Variants in ARAP2 observed in about 807,000 individuals in gnomAD.
ARAP2 encodes arf-GAP with Rho-GAP domain, ANK repeat and PH domain-containing protein 2.
ARAP2 carries 148 observed loss-of-function variants against 194.5 expected under a neutral mutation model. The observed-to-expected ratio is 0.76, with a 90% CI of 0.67 to 0.87. The LOEUF (loss-of-function observed/expected upper bound fraction) is 0.87, where lower values mean the gene tolerates loss of function less well. Among genes scored for constraint, ARAP2 ranks in the 40% least tolerant of loss-of-function variants. The pLI is 0.00. For missense variants in ARAP2, 2,128 were observed against 1,989.7 expected (o/e 1.07, Z -1.32); for synonymous variants, 695 against 683.5 (o/e 1.02, Z -0.26).
Position 36,160,650 on chromosome 4 carries a change from T to TAA in ARAP2, c.2260-10_2260-9insTT. ...CCAATGACAATAAAAAGCTGAATTGTCAAAAAAAAAACCCCATAATATATC... is the reference window on the plus strand; with the variant it reads ...CCAATGACAATAAAAAGCTGAATTGTAACAAAAAAAAAACCCCATAATATATC... On this transcript the variant is annotated splice_polypyrimidine_tract_variant and intron_variant, in intron 12 of 32. Coordinates refer to ENST00000303965, the MANE Select transcript of ARAP2 (RefSeq NM_015230.4). The TAA allele has an allele frequency of 2.1e-5, 27 of 1,308,526 alleles. No individual in the cohort carries two copies. The highest frequency in any genetic ancestry group is 1.6e-4 in the South Asian group (8 of 50,960). 81.1% of individuals were successfully genotyped at this position (1,308,526 alleles called of 1,614,324 possible).
chr4:36,150,502 T>G (rs973673899), intron 16 of ARAP2, among the ~76,000 whole-genome samples: 3 of 151,862 alleles, frequency 2.0e-5, no homozygotes, highest in Non-Finnish European at 4.4e-5. Context: ...AAAAATTAGC[T>G]GGGTGTGGTA....
At chr4:36,137,266 A>G (rs950286748) in intron 19 of ARAP2, among the ~76,000 whole-genome samples, 28 of 151,952 alleles carry the variant, frequency 1.8e-4, no homozygotes, top group Middle Eastern at 3.4e-3. Context: ...ACACAAACAC[A>G]TGCATTTAGC....
intron 19 of ARAP2, among the ~76,000 whole-genome samples, chr4:36,141,057 G>C (rs887658871): frequency 5.3e-5 from 8 of 151,526 alleles, no homozygotes; most frequent in African/African-American, 1.9e-4. Flanking sequence ...TTATTTCTTA[G>C]AAAAAGATAT....
At position 36,124,976 on chromosome 4, in the gene ARAP2, G is replaced by T; in HGVS notation, c.3641-9C>A. On this transcript the variant is annotated splice_polypyrimidine_tract_variant and intron_variant, in intron 21 of 32. Transcript: ENST00000303965. Reference sequence around the variant, plus strand: ...CTTGTCATCTTGCGTATCTGAAGGGGAAAAAAAAACAATCTTGAGATCTAA... The same window carrying T: ...CTTGTCATCTTGCGTATCTGAAGGGTAAAAAAAAACAATCTTGAGATCTAA... 2 of 1,481,996 alleles carry T rather than the reference G, an allele frequency of 1.3e-6. No individual in the cohort carries two copies. Among genetic ancestry groups the T allele is most frequent in the Non-Finnish European group, 1.9e-6 (2 of 1,080,612 alleles). The allele number at this position is 1,481,996 out of a possible 1,614,324, so 91.8% of individuals were successfully genotyped here.
At position 36,133,272 on chromosome 4, in the gene ARAP2, G is replaced by A. The variant is rs547087639; in HGVS notation, c.3381C>T (p.Asp1127=). The A allele has an allele frequency of 1.6e-5, 26 of 1,611,176 alleles. No homozygotes were observed. The highest frequency in any genetic ancestry group is 4.5e-5 in the East Asian group (2 of 44,704). The part of the protein sequence containing the change: ...ALQDQQLSKN[D]VPIIVNSCIA... The stretch of plus-strand genomic sequence containing the variant: ...TACAGCTGTTCACTATAATGGGAAC[G>A]TCATTTTTGCTGAGCTGCTGATCTT... Residue 1127 remains aspartate, a synonymous_variant, in exon 20 of 33, where the codon GAC becomes GAT. Transcript: ENST00000303965.
chr4:36,015,349 C>T (rs2109323115), intron 8 of ARAP2: 1 of 152,298 alleles, frequency 6.6e-6, no homozygotes, highest in South Asian at 2.1e-4. Flanking sequence ...ACAAGCATCC[C>T]TAAACTCAGT....
At chr4:36,120,777 C>A (rs771333956) in intron 23 of ARAP2, among the ~76,000 whole-genome samples, 1 of 151,552 alleles carries the variant, frequency 6.6e-6, no homozygotes, top group African/African-American at 2.4e-5. Context: ...TTGTTTCCAA[C>A]TGGGGACACA....
intron 16 of ARAP2, among the ~76,000 whole-genome samples, chr4:36,148,866 CA>C (rs1730275451): frequency 6.6e-6 from 1 of 152,074 alleles, no homozygotes; most frequent in Admixed American, 6.6e-5. Context: ...AAACACTGCC[CA>C]AACAGTTTTT....
chr4:36,085,822 A>G (rs1051837397), intron 28 of ARAP2, among the ~76,000 whole-genome samples: 1 of 152,094 alleles, frequency 6.6e-6, no homozygotes, highest in South Asian at 2.1e-4. Context: ...AGAAGTCTAT[A>G]GTTTTCTTCT....
intron 8 of ARAP2, among the ~76,000 whole-genome samples, chr4:36,182,336 C>T (rs1384321020): frequency 6.6e-6 from 1 of 151,912 alleles, no homozygotes; most frequent in Non-Finnish European, 1.5e-5. Context: ...ACTAAAAATA[C>T]AAAAAATTAG....
Position 36,133,383 on chromosome 4 carries a change from T to C in ARAP2, c.3270A>G (p.Leu1090=), listed in dbSNP as rs757243875. The C allele has an allele frequency of 1.2e-5, 20 of 1,605,150 alleles. No homozygotes were observed. The highest frequency in any genetic ancestry group is 2.2e-5 in the South Asian group (2 of 89,854). Residue 1090 remains leucine, a synonymous_variant, in exon 20 of 33, where the codon TTA becomes TTG. Coordinates refer to ENST00000303965, the MANE Select transcript of ARAP2 (RefSeq NM_015230.4). The part of the protein sequence containing the change: ...VLLLVEKGRT[L]YIHGHTKLDF... ...CCAACTTGGTATGCCCATGGATGTATAATGTTCTGTAAAGTTTAAAAAGCA... is the reference window on the plus strand; with the variant it reads ...CCAACTTGGTATGCCCATGGATGTACAATGTTCTGTAAAGTTTAAAAAGCA...
chr4:36,071,915 T>C (rs1306384432), intron 32 of ARAP2, among the ~76,000 whole-genome samples: 1 of 151,836 alleles, frequency 6.6e-6, no homozygotes, highest in African/African-American at 2.4e-5. Context: ...GTGATCTCAT[T>C]GTTCAATTCC....
Position 36,187,555 on chromosome 4 carries a change from C to G in ARAP2, c.1574G>C (p.Gly525Ala). Residue 525 changes from glycine to alanine, a missense_variant, in exon 8 of 33, where the codon GGA becomes GCA. Gly to Ala is a moderately conservative substitution (Grantham distance 60, BLOSUM62 0). Coordinates refer to ENST00000303965, the MANE Select transcript of ARAP2 (RefSeq NM_015230.4). ...YNNEKEMYSK[G>A]IIPLSAISTV... is the part of the protein sequence containing the mutation. ...TGATATAGCAGAAAGGGGAATTATT[C>G]CTTTCGAATACATCTCCTGTATTGG... is the stretch of plus-strand genomic sequence containing the variant. 1 of 1,558,372 alleles carries G rather than the reference C, an allele frequency of 6.4e-7. No homozygotes were observed. Among genetic ancestry groups the G allele is most frequent in the South Asian group, 1.3e-5 (1 of 78,726 alleles).
intron 9 of ARAP2, among the ~76,000 whole-genome samples, chr4:36,008,247 G>A (rs1713726540): frequency 6.6e-6 from 1 of 151,958 alleles, no homozygotes; most frequent in Non-Finnish European, 1.5e-5. Flanking sequence ...GTAATCCTAA[G>A]CAAAAAATAA....
chr4:36,025,869 A>G (rs1261234039), intron 5 of ARAP2, among the ~76,000 whole-genome samples: 1 of 152,136 alleles, frequency 6.6e-6, no homozygotes, highest in African/African-American at 2.4e-5. Context: ...CCCCAAGAGT[A>G]TCTTAAAAAA....
chr4:36,045,016 C>CCAA (rs1721567928), intron 5 of ARAP2, among the ~76,000 whole-genome samples: 1 of 152,002 alleles, frequency 6.6e-6, no homozygotes, highest in Admixed American at 6.6e-5. Context: ...ACTCATCATA[C>CCAA]CTGTTAGAAT....
chr4:36,158,175 G>A (rs1230951919), intron 15 of ARAP2, among the ~76,000 whole-genome samples: 1 of 152,046 alleles, frequency 6.6e-6, no homozygotes, highest in Admixed American at 6.6e-5. Context: ...ATGAATAAAT[G>A]CCCCATTGTA....
At chr4:36,158,961 A>C in intron 14 of ARAP2, 97 bp from the exon 15 acceptor site, 1 of 1,148,368 alleles carries the variant, frequency 8.7e-7, no homozygotes, top group East Asian at 2.8e-5. Context: ...TAGAAGAAAA[A>C]CTACTTCAAA....
At position 36,010,263 on chromosome 4, in the gene ARAP2, TATAA is replaced by T. The variant is rs200415239; in HGVS notation, n.1325+2296_1325+2299del. 9.5e-3 allele frequency among the ~76,000 whole-genome samples: 1,436 copies of T among 151,644 alleles called. 26 individuals are homozygous for T. Among genetic ancestry groups the T allele is most frequent in the African/African-American group, 0.033 (1,369 of 41,418 alleles). ...TATAGGTGAGCATTTTTAGAAAAAA[TATAA>T]ATAAATATACATCACATATTACATA... is the stretch of plus-strand genomic sequence containing the variant. On this transcript the variant is annotated intron_variant and non_coding_transcript_variant, in intron 9 of 12. Transcript: ENST00000503225.
Sources: gnomAD v4.1 joint callset for allele counts (sites outside exome capture counted in the v4.1 genomes callset) on GRCh38, gnomAD v4.1.1 for gene constraint, MANE v1.5 for transcripts, NCBI Gene and HGNC (gene_info 2026-07-23, HGNC 2026-07-21) for gene names.